The following CNTN2 variants were observed in gnomAD, a reference collection of about 807,000 sequenced individuals.
CNTN2 encodes the protein contactin-2.
Under a neutral mutation model 117.5 loss-of-function variants are expected in CNTN2, and 53 were observed. The observed-to-expected ratio is 0.45, with a 90% confidence interval of 0.36 to 0.57. The LOEUF is 0.57. Ranked by LOEUF, CNTN2 falls within the 20% of genes least tolerant of loss-of-function variation. CNTN2 has a pLI of 0.00. For missense variants in CNTN2, 1,106 were observed against 1,404.3 expected, an observed-to-expected ratio of 0.79 and a Z score of 3.39; for synonymous variants, 530 against 561.7, an observed-to-expected ratio of 0.94 and a Z score of 0.80.
At chr1:205,054,500 G>A (rs2096457954) in intron 2 of CNTN2, among the ~76,000 whole-genome samples, 1 of 152,194 alleles carries the variant, frequency 6.6e-6, no homozygotes, top group African/African-American at 2.4e-5. Context: ...GCAGGAGATG[G>A]GCACCCCAGA....
At chr1:205,056,976 T>G (rs1047054550) in intron 2 of CNTN2, among the ~76,000 whole-genome samples, 2 of 152,200 alleles carry the variant, frequency 1.3e-5, no homozygotes, top group Admixed American at 6.5e-5. Context: ...CTCCCTTTTC[T>G]GGACATTTCT....
rs775092975 is a variant in CNTN2, at chr1:205,066,475, G to T, written c.1851G>T (p.Arg617Ser). Residue 617 changes from arginine to serine, a missense_variant, in exon 15 of 23, where the codon AGG becomes AGT. By Grantham distance (110) the Arg-to-Ser change is moderately radical. Coordinates refer to ENST00000331830, the MANE Select transcript of CNTN2 (RefSeq NM_005076.5). ...GTCCCCCAGGAGGTGTGGTGGTGAG[G>T]GACATTGGCGACACCACCATCCAGC... ...PPGPPGGVVV[R>S]DIGDTTIQLS... 3 of 1,614,046 alleles carry T rather than the reference G, an allele frequency of 1.9e-6. No homozygotes were observed. Among genetic ancestry groups the T allele is most frequent in the Non-Finnish European group, 2.5e-6 (3 of 1,180,026 alleles).
chr1:205,045,501 C>G (rs912726708), intron 1 of CNTN2, among the ~76,000 whole-genome samples: 3 of 152,196 alleles, frequency 2.0e-5, no homozygotes, highest in African/African-American at 7.2e-5. Context: ...GGCATCCTTT[C>G]TGCCTCTAAA....
chr1:205,044,414 G>C (rs556919543), intron 1 of CNTN2, among the ~76,000 whole-genome samples: 1 of 151,522 alleles, frequency 6.6e-6, no homozygotes, highest in Non-Finnish European at 1.5e-5. Context: ...GGATGGAGAC[G>C]GGCACCCTCT....
chr1:205,070,261 G>T, intron 18 of CNTN2, 165 bp from the exon 19 acceptor site: 1 of 705,320 alleles, frequency 1.4e-6, no homozygotes, highest in Non-Finnish European at 2.4e-6. Flanking sequence ...GAGGCTCTCT[G>T]GGAATAGAAG....
At position 205,059,850 on chromosome 1, in the gene CNTN2, T is replaced by C; in HGVS notation, c.797+168T>C. On this transcript the variant is annotated intron_variant, in intron 7 of 22. Coordinates refer to ENST00000331830, the MANE Select transcript of CNTN2 (RefSeq NM_005076.5). The surrounding 1 kb of genome is among the most constrained non-coding windows in gnomAD (Gnocchi z 5.6). ...ACCACCACTCACTGGACAGTACCTC[T>C]CTGGGTGAGGCATCGCATATGCCAG... The C allele has an allele frequency of 1.6e-6, 1 of 609,554 alleles. No homozygotes were observed. The highest frequency in any genetic ancestry group is 2.9e-6 in the Non-Finnish European group (1 of 340,470). The allele number at this position is 609,554 out of a possible 1,614,324, so 37.8% of individuals were successfully genotyped here.
chr1:205,044,952 T>G (rs1344534190), intron 1 of CNTN2, among the ~76,000 whole-genome samples: 2 of 152,126 alleles, frequency 1.3e-5, no homozygotes, highest in East Asian at 3.9e-4. Context: ...GGACAGGGCT[T>G]TTGCCACAAG....
intron 16 of CNTN2, chr1:205,068,471 T>G (rs1478929578): frequency 6.6e-6 from 1 of 152,210 alleles, no homozygotes; most frequent in Non-Finnish European, 1.5e-5. Flanking sequence ...GCACTTTCTT[T>G]GATTGATCCT....
Position 205,070,480 on chromosome 1 carries a change from T to G in CNTN2, c.2486T>G (p.Met829Arg). Residue 829 changes from methionine (M) to arginine (R), a missense_variant, in exon 19 of 23, where the codon ATG (methionine) becomes AGG (arginine). Met to Arg is a moderately conservative substitution (Grantham distance 91, BLOSUM62 -1). Coordinates refer to ENST00000331830, the MANE Select transcript of CNTN2 (RefSeq NM_005076.5). ...VWAKGVSSSE[M>R]NVTWEPVQQD... ...GCCAAAGGGGTCTCATCCTCAGAGA[T>G]GAACGTGACCTGGGAACCCGTGCAG... The G allele has an allele frequency of 6.2e-7, 1 of 1,613,958 alleles. No individual in the cohort carries two copies. Among genetic ancestry groups the G allele is most frequent in the Admixed American group, 1.7e-5 (1 of 60,014 alleles).
intron 2 of CNTN2, chr1:205,057,416 G>A (rs1224372423): frequency 1.3e-5 from 2 of 152,494 alleles, no homozygotes; most frequent in Admixed American, 6.5e-5. Flanking sequence ...CTTCTGTAAG[G>A]GTCCCTTGAA....
rs1469060145 is a variant in CNTN2, at chr1:205,077,551, G to A, written c.*3786G>A. 1 of 152,156 alleles carries A rather than the reference G, an allele frequency of 6.6e-6. No homozygotes were observed. The highest frequency in any genetic ancestry group is 1.5e-5 in the Non-Finnish European group (1 of 68,082). 9.4% of individuals were successfully genotyped at this position (152,156 alleles called of 1,614,324 possible). ...GAGGCTCTTAGCATAAAAGGCATTAGGTGGGCATTTTTCTGTGTGCCCCCA... is the reference window on the plus strand; with the variant it reads ...GAGGCTCTTAGCATAAAAGGCATTAAGTGGGCATTTTTCTGTGTGCCCCCA... On this transcript the variant is annotated 3_prime_UTR_variant, in exon 23 of 23. Coordinates refer to ENST00000331830, the MANE Select transcript of CNTN2 (RefSeq NM_005076.5).
rs1463138202 is a variant in CNTN2 at position 205,065,123 on chromosome 1, A to G, written c.1556A>G (p.Asp519Gly). The G allele has an allele frequency of 6.2e-7, 1 of 1,613,934 alleles. No homozygotes were observed. Among genetic ancestry groups the G allele is most frequent in the Non-Finnish European group, 8.5e-7 (1 of 1,179,996 alleles). Residue 519 changes from aspartate to glycine, a missense_variant, in exon 13 of 23, where the codon GAC (aspartate) becomes GGC (glycine). Asp to Gly is a moderately conservative substitution (Grantham distance 94). Transcript: ENST00000331830. This position sits in a 1 kb window ranked among gnomAD's most constrained non-coding sequence, Gnocchi z 4.1. ...TKITLAPSSA[D>G]INLGDNLTLQ... ...ATCACTCTAGCCCCCTCAAGTGCCGACATCAACTTGGGTGACAACCTGACC... is the reference window on the plus strand; with the variant it reads ...ATCACTCTAGCCCCCTCAAGTGCCGGCATCAACTTGGGTGACAACCTGACC...
At position 205,059,569 on chromosome 1, in the gene CNTN2, C is replaced by T; in HGVS notation, c.698-14C>T. ...AGTCATCTGCATCTGATTTGTAAAA[C>T]CCTCTCTCCCCAGATACCCGGCTCT... On this transcript the variant is annotated splice_polypyrimidine_tract_variant and intron_variant, in intron 6 of 22. Coordinates refer to ENST00000331830, the MANE Select transcript of CNTN2 (RefSeq NM_005076.5). This position sits in a 1 kb window ranked among gnomAD's most constrained non-coding sequence, Gnocchi z 5.6. The T allele has an allele frequency of 1.2e-6, 2 of 1,613,146 alleles. No individual in the cohort carries two copies. Among genetic ancestry groups the T allele is most frequent in the Non-Finnish European group, 1.7e-6 (2 of 1,179,116 alleles).
In CNTN2 at chr1:205,053,165, A is replaced by G. The variant is rs184785362; in HGVS notation, c.-21A>G. 6.8e-6 allele frequency: 11 copies of G among 1,606,386 alleles called. No homozygotes were observed. The stretch of plus-strand genomic sequence containing the variant: ...CTGAGGCTCTTCTCCTCCGATCCCC[A>G]CCTCTGCCCGGACATCCACCATGGG... On this transcript the variant is annotated 5_prime_UTR_variant, in exon 2 of 23. Coordinates refer to ENST00000331830, the MANE Select transcript of CNTN2 (RefSeq NM_005076.5).
At chr1:205,045,592 G>A (rs186814222) in intron 1 of CNTN2, among the ~76,000 whole-genome samples, 22 of 152,266 alleles carry the variant, frequency 1.4e-4, no homozygotes, top group Middle Eastern at 3.4e-3. Flanking sequence ...GCCAAACGTT[G>A]GTGAGAAAGC....
chr1:205,062,384 C>T, intron 9 of CNTN2, 56 bp from the exon 10 acceptor site: 1 of 1,563,152 alleles, frequency 6.4e-7, no homozygotes, highest in Non-Finnish European at 8.7e-7. Context: ...GCCAACCCCT[C>T]CTCCCTGTGG....
intron 2 of CNTN2, among the ~76,000 whole-genome samples, chr1:205,056,455 G>C (rs564261029): frequency 6.6e-6 from 1 of 152,190 alleles, no homozygotes; most frequent in African/African-American, 2.4e-5. Context: ...TGCCTGCACC[G>C]GGCCATTCCT....
At chr1:205,054,084 G>C (rs1210910632) in intron 2 of CNTN2, among the ~76,000 whole-genome samples, 1 of 152,184 alleles carries the variant, frequency 6.6e-6, no homozygotes, top group African/African-American at 2.4e-5. Context: ...GCCGCCTCCT[G>C]CTCTAAGGGG....
At position 205,066,306 on chromosome 1, in the gene CNTN2, G is replaced by A. The variant is rs567542744; in HGVS notation, c.1817-135G>A. On this transcript the variant is annotated intron_variant, in intron 14 of 22. Transcript: ENST00000331830. Reference sequence around the variant, plus strand: ...GCCCACACCCCTTGCCCGCCCTCCCGCCTGGGTGTGTGTTCACTGCATCCT... The same window carrying A: ...GCCCACACCCCTTGCCCGCCCTCCCACCTGGGTGTGTGTTCACTGCATCCT... 3.5e-5 allele frequency: 36 copies of A among 1,016,912 alleles called. 1 individual carries two copies. The highest frequency in any genetic ancestry group is 2.3e-4 in the South Asian group (14 of 60,590). 63.0% of individuals were successfully genotyped at this position (1,016,912 alleles called of 1,614,324 possible).
Sources: allele counts gnomAD v4.1 joint callset (sites outside exome capture counted in the v4.1 genomes callset), GRCh38; gene constraint gnomAD v4.1.1; non-coding constraint Gnocchi (gnomAD v3.1); transcripts MANE v1.5; gene names NCBI Gene and HGNC (gene_info 2026-07-23, HGNC 2026-07-21).